The following CADPS2 variants were observed in gnomAD, a reference collection of about 807,000 sequenced individuals.
CADPS2 encodes calcium dependent secretion activator 2.
In CADPS2, 93 loss-of-function variants were observed where a neutral mutation model predicts 172.5. The observed-to-expected ratio is 0.54, with a 90% confidence interval of 0.46 to 0.64. CADPS2 has a LOEUF of 0.64. Ranked by LOEUF, CADPS2 falls within the 30% of genes least tolerant of loss-of-function variation. The pLI, the probability that CADPS2 is intolerant of heterozygous loss-of-function variation, is 0.00. For missense variants in CADPS2, 1,420 were observed against 1,565.9 expected, an observed-to-expected ratio of 0.91 and a Z score of 1.57; for synonymous variants, 546 against 555.2, an observed-to-expected ratio of 0.98 and a Z score of 0.23.
chr7:122,849,989 C>A, intron 1 of CADPS2: 1 of 718,536 alleles, frequency 1.4e-6, no homozygotes, highest in African/African-American at 1.9e-5. Context: ...CCCACCTGCC[C>A]CCAAGCCTGC....
chr7:122,695,680 A>G (rs2136135316), intron 2 of CADPS2, among the ~76,000 whole-genome samples: 1 of 152,338 alleles, frequency 6.6e-6, no homozygotes, highest in South Asian at 2.1e-4. Context: ...CACCCTTTAA[A>G]GAACATCCAT....
intron 28 of CADPS2, among the ~76,000 whole-genome samples, chr7:122,343,599 G>A (rs17462032): frequency 0.04 from 6,113 of 152,224 alleles, 204 homozygotes; most frequent in African/African-American, 0.093. Context: ...ATAGGTCACC[G>A]AGTCAAAAAA....
intron 1 of CADPS2, among the ~76,000 whole-genome samples, chr7:122,883,360 G>T (rs1823466532): frequency 6.6e-6 from 1 of 151,970 alleles, no homozygotes; most frequent in South Asian, 2.1e-4. Flanking sequence ...TCAATTTCTG[G>T]GTCTCTAAAT....
chr7:122,584,050 A>C (rs1271035235), intron 6 of CADPS2, among the ~76,000 whole-genome samples: 2 of 151,588 alleles, frequency 1.3e-5, no homozygotes, highest in African/African-American at 4.8e-5. Context: ...CTAATACTTT[A>C]TTTAGCCTTT....
In CADPS2 at chr7:122,591,036, A is replaced by T. The variant is rs58174606; in HGVS notation, c.1224-9746T>A. Among the ~76,000 whole-genome samples, 1,260 of 152,132 alleles carry T rather than the reference A, an allele frequency of 8.3e-3. 16 individuals carry two copies. The highest frequency in any genetic ancestry group is 0.029 in the African/African-American group (1,207 of 41,542). On this transcript the variant is annotated intron_variant, in intron 6 of 29. Coordinates refer to ENST00000449022, the MANE Select transcript of CADPS2 (RefSeq NM_017954.11). ...TTGACATACTATAAAAGTATCTGAAATTCCAAATTGTCCCTGTTTGCAGAT... is the reference window on the plus strand; with the variant it reads ...TTGACATACTATAAAAGTATCTGAATTTCCAAATTGTCCCTGTTTGCAGAT...
At chr7:122,604,024 A>G (rs1281740220) in intron 6 of CADPS2, among the ~76,000 whole-genome samples, 9 of 152,192 alleles carry the variant, frequency 5.9e-5, no homozygotes, top group Non-Finnish European at 1.3e-4. Context: ...CAATATATAC[A>G]TATATCAAAT....
At chr7:122,369,288 G>A (rs1028399560) in intron 25 of CADPS2, among the ~76,000 whole-genome samples, 1 of 151,794 alleles carries the variant, frequency 6.6e-6, no homozygotes, top group African/African-American at 2.4e-5. Flanking sequence ...CCGCCACCAT[G>A]CCCGGCTAAT....
chr7:122,480,919 AC>A, intron 11 of CADPS2, 59 bp from the exon 12 acceptor site: 1 of 1,250,432 alleles, frequency 8.0e-7, no homozygotes, highest in Non-Finnish European at 1.1e-6. Context: ...GGAACTATAT[AC>A]TTATACAACT....
intron 2 of CADPS2, among the ~76,000 whole-genome samples, chr7:122,725,806 A>C (rs565394550): frequency 5.9e-5 from 9 of 151,954 alleles, no homozygotes; most frequent in African/African-American, 1.9e-4. Flanking sequence ...CCTCACATGT[A>C]GGTTACAAAT....
chr7:122,497,632 A>G (rs898464793), intron 9 of CADPS2, among the ~76,000 whole-genome samples: 2 of 152,140 alleles, frequency 1.3e-5, no homozygotes, highest in Non-Finnish European at 2.9e-5. Context: ...ATTCATTATT[A>G]AAGTATATGA....
At chr7:122,859,856 A>T (rs528390034) in intron 1 of CADPS2, among the ~76,000 whole-genome samples, 103 of 152,228 alleles carry the variant, frequency 6.8e-4, no homozygotes, top group African/African-American at 2.3e-3. Flanking sequence ...TTTCCCAAGT[A>T]TCTTCAATCT....
intron 19 of CADPS2, among the ~76,000 whole-genome samples, chr7:122,411,191 T>C (rs2047263368): frequency 1.3e-5 from 2 of 151,886 alleles, no homozygotes; most frequent in African/African-American, 4.8e-5. Context: ...ATATCTTTTC[T>C]ACTTTTTATT....
intron 28 of CADPS2, among the ~76,000 whole-genome samples, 191 bp downstream of exon 28, chr7:122,345,383 C>T (rs904052657): frequency 3.9e-5 from 6 of 152,128 alleles, no homozygotes; most frequent in African/African-American, 9.7e-5. Flanking sequence ...ACTGATCCAC[C>T]GGTCTCAGCC....
intron 1 of CADPS2, among the ~76,000 whole-genome samples, chr7:122,797,427 A>G (rs1291973056): frequency 6.6e-6 from 1 of 152,192 alleles, no homozygotes; most frequent in African/African-American, 2.4e-5. Context: ...ATTCACAATA[A>G]CAAACACATG....
At chr7:122,409,017 C>T (rs984155308) in intron 19 of CADPS2, among the ~76,000 whole-genome samples, 1 of 152,086 alleles carries the variant, frequency 6.6e-6, no homozygotes, top group African/African-American at 2.4e-5. Flanking sequence ...AATGCTGTGA[C>T]CAATATATGA....
At position 122,319,579 on chromosome 7, in the gene CADPS2, C is replaced by T. The variant is rs1287805849; in HGVS notation, c.*586G>A. On this transcript the variant is annotated 3_prime_UTR_variant, in exon 30 of 30. Coordinates refer to ENST00000449022, the MANE Select transcript of CADPS2 (RefSeq NM_017954.11). The stretch of plus-strand genomic sequence containing the variant: ...TAATCTAGTCTATATTTGGGTTTGG[C>T]AATCCTTTCATCCCAGGAATATACC... 1 of 152,116 alleles carries T rather than the reference C, an allele frequency of 6.6e-6. No homozygotes were observed. Among genetic ancestry groups the T allele is most frequent in the African/African-American group, 2.4e-5 (1 of 41,406 alleles). The allele number at this position is 152,116 out of a possible 1,614,324, so 9.4% of individuals were successfully genotyped here. A position where few individuals can be genotyped will look rare whatever the true frequency, so the allele number is the denominator to read the frequency against.
At chr7:122,610,417 AG>A (rs2074147451) in intron 6 of CADPS2, among the ~76,000 whole-genome samples, 1 of 146,312 alleles carries the variant, frequency 6.8e-6, no homozygotes, top group African/African-American at 2.5e-5. Context: ...AAGATTCTGT[AG>A]AAACTACGAT....
intron 2 of CADPS2, among the ~76,000 whole-genome samples, chr7:122,675,192 A>G (rs2082263761): frequency 1.3e-5 from 2 of 152,226 alleles, no homozygotes; most frequent in African/African-American, 4.8e-5. Flanking sequence ...GCATTTGTCC[A>G]TCTGTGGGAC....
intron 14 of CADPS2, among the ~76,000 whole-genome samples, chr7:122,456,036 CAG>C (rs1319010409): frequency 1.3e-5 from 2 of 152,062 alleles, no homozygotes; most frequent in African/African-American, 4.8e-5. Context: ...GTTGGTAAAA[CAG>C]AAAATTTTGT....
Sources: allele counts gnomAD v4.1 joint callset (sites outside exome capture counted in the v4.1 genomes callset), GRCh38; gene constraint gnomAD v4.1.1; transcripts MANE v1.5; gene names NCBI Gene and HGNC (gene_info 2026-07-23, HGNC 2026-07-21).